Variants in CEP128 observed in about 807,000 individuals in gnomAD.
The protein encoded by CEP128 is centrosomal protein 128, also known as centrosomal protein 128kDa.
In CEP128, 132 loss-of-function variants were observed where a neutral mutation model predicts 156.7. That is an observed-to-expected ratio of 0.84 (90% CI 0.73 to 0.97). The LOEUF is 0.97. Ranked by LOEUF, CEP128 falls within the 50% of genes least tolerant of loss-of-function variation. The pLI is 0.00. For missense variants in CEP128, 1,252 were observed against 1,281.9 expected, an observed-to-expected ratio of 0.98 and a Z score of 0.36; for synonymous variants, 469 against 448.9, an observed-to-expected ratio of 1.04 and a Z score of -0.57.
intron 19 of CEP128, among the ~76,000 whole-genome samples, chr14:80,636,733 G>A (rs1894196493): frequency 6.6e-6 from 1 of 151,966 alleles, no homozygotes; most frequent in Admixed American, 6.5e-5. Flanking sequence ...TCTCCTAAAT[G>A]GCCTCCCCAT....
chr14:80,928,388 T>C (rs1885266633), intron 2 of CEP128, among the ~76,000 whole-genome samples: 1 of 152,022 alleles, frequency 6.6e-6, no homozygotes, highest in Admixed American at 6.6e-5. Context: ...ATAAAGAAAT[T>C]AATGAAACAA....
chr14:80,848,672 A>G (rs1057259466), intron 9 of CEP128, among the ~76,000 whole-genome samples: 4 of 152,020 alleles, frequency 2.6e-5, no homozygotes, highest in Admixed American at 6.6e-5. Context: ...AACAAAAAAA[A>G]AAAGAAAAAG....
At chr14:80,745,172 C>T (rs891421028) in intron 18 of CEP128, among the ~76,000 whole-genome samples, 1 of 152,060 alleles carries the variant, frequency 6.6e-6, no homozygotes, top group Non-Finnish European at 1.5e-5. Context: ...CTCAGGAGAT[C>T]TGGTCGTTTA....
At chr14:80,880,290 T>C (rs1486763567) in intron 8 of CEP128, among the ~76,000 whole-genome samples, 1 of 151,972 alleles carries the variant, frequency 6.6e-6, no homozygotes, top group Non-Finnish European at 1.5e-5. Flanking sequence ...ACTTTCTTGA[T>C]AAAAACTGTC....
At chr14:80,645,099 T>G (rs957684030) in intron 19 of CEP128, among the ~76,000 whole-genome samples, 1 of 152,114 alleles carries the variant, frequency 6.6e-6, no homozygotes, top group Non-Finnish European at 1.5e-5. Flanking sequence ...AGTTGAAAGG[T>G]CAAGTAGGTT....
At chr14:80,690,244 T>TAA (rs552661665) in intron 19 of CEP128, among the ~76,000 whole-genome samples, 2,766 of 116,370 alleles carry the variant, frequency 0.024, 110 homozygotes, top group African/African-American at 0.085. Flanking sequence ...CTGTCTCTAT[T>TAA]AAAAAAAAAA....
intron 19 of CEP128, among the ~76,000 whole-genome samples, chr14:80,722,074 G>A (rs1897838478): frequency 6.6e-6 from 1 of 152,160 alleles, no homozygotes; most frequent in Non-Finnish European, 1.5e-5. Flanking sequence ...CTGTGAGAAA[G>A]GCATTTAGTA....
chr14:80,504,826 T>A (rs1237291705), intron 24 of CEP128, 86 bp downstream of exon 24: 1 of 563,578 alleles, frequency 1.8e-6, no homozygotes, highest in African/African-American at 1.9e-5. Context: ...AATATTACTA[T>A]CATATACTGG....
intron 18 of CEP128, among the ~76,000 whole-genome samples, chr14:80,749,063 C>A (rs1899252980): frequency 6.6e-6 from 1 of 152,144 alleles, no homozygotes; most frequent in South Asian, 2.1e-4. Flanking sequence ...GTCTGCCCCA[C>A]CACAGTCCCA....
intron 13 of CEP128, among the ~76,000 whole-genome samples, chr14:80,794,414 G>T (rs775605373): frequency 1.4e-4 from 21 of 152,184 alleles, no homozygotes; most frequent in Non-Finnish European, 2.2e-4. Flanking sequence ...CAGCCTGGAA[G>T]ATGTCTCATC....
rs547390073 is a variant in CEP128 at position 80,788,215 on chromosome 14, C to G, written c.1561-2670G>C. On this transcript the variant is annotated intron_variant, in intron 14 of 24. Coordinates refer to ENST00000555265, the MANE Select transcript of CEP128 (RefSeq NM_152446.5). ...CTCAATACCCTGGACATACCCAGGG[C>G]CCTCAAATGAATAGCCTTTATCTTG... Among the ~76,000 whole-genome samples the G allele has an allele frequency of 5.3e-5, 8 of 151,952 alleles. No individual in the cohort carries two copies. The East Asian group carries it at 1.5e-3, about 29-fold the overall frequency.
At chr14:80,502,240 T>G (rs997405122) in intron 24 of CEP128, among the ~76,000 whole-genome samples, 27 of 152,120 alleles carry the variant, frequency 1.8e-4, no homozygotes, top group Non-Finnish European at 3.8e-4. Flanking sequence ...GCCTCAATTT[T>G]GGGGCTTGCT....
At chr14:80,902,504 CTT>C (rs1244902083) in intron 6 of CEP128, among the ~76,000 whole-genome samples, 2 of 152,114 alleles carry the variant, frequency 1.3e-5, no homozygotes, top group African/African-American at 4.8e-5. Flanking sequence ...TTAAGATACA[CTT>C]TGAGTACCTA....
intron 19 of CEP128, among the ~76,000 whole-genome samples, chr14:80,680,629 G>A (rs1896282825): frequency 6.6e-6 from 1 of 152,080 alleles, no homozygotes; most frequent in Non-Finnish European, 1.5e-5. Context: ...TGGTATAGTA[G>A]GACCCTCTGC....
rs371737912 is a variant in CEP128 at position 80,607,156 on chromosome 14, G to A, written c.2807-26733C>T. ...GAGAAAGCCTTTGATATTGTTAAAT[G>A]TGTTATGTACATATTTACGTAAATC... is the stretch of plus-strand genomic sequence containing the variant. On this transcript the variant is annotated intron_variant, in intron 19 of 24. Coordinates refer to ENST00000555265, the MANE Select transcript of CEP128 (RefSeq NM_152446.5). Among the ~76,000 whole-genome samples, 36 of 151,716 alleles carry A rather than the reference G, an allele frequency of 2.4e-4. 4 individuals are homozygous for A. Among genetic ancestry groups the A allele is most frequent in the Admixed American group, 8.5e-4 (13 of 15,226 alleles).
chr14:80,625,519 G>C (rs1427862200), intron 19 of CEP128, among the ~76,000 whole-genome samples: 1 of 151,986 alleles, frequency 6.6e-6, no homozygotes, highest in Admixed American at 6.6e-5. Flanking sequence ...AATAGGTGTT[G>C]CACTGCATCT....
chr14:80,707,381 G>T (rs1897264786), intron 19 of CEP128, among the ~76,000 whole-genome samples: 1 of 152,128 alleles, frequency 6.6e-6, no homozygotes, highest in Non-Finnish European at 1.5e-5. Context: ...TGCCTGAGGA[G>T]GGTGAGCCTA....
chr14:80,663,813 T>C (rs1895499544), intron 19 of CEP128, among the ~76,000 whole-genome samples: 1 of 152,218 alleles, frequency 6.6e-6, no homozygotes, highest in African/African-American at 2.4e-5. Context: ...CACATAGGAT[T>C]GGCCTCAAGT....
In CEP128 at chr14:80,750,398, CTT is replaced by C. The variant is rs76032457; in HGVS notation, c.2613+6492_2613+6493del. Among the ~76,000 whole-genome samples the C allele has an allele frequency of 2.7e-5, 4 of 150,082 alleles. No individual in the cohort carries two copies. In the South Asian group the frequency reaches 6.3e-4, roughly 24 times the overall value. On this transcript the variant is annotated intron_variant, in intron 18 of 24. Transcript: ENST00000555265. ...TCCGCCATATGAGAATGAAACTCTA[CTT>C]TTTTTTTTATCAGATCTTCTGATGC...
Sources: allele counts gnomAD v4.1 joint callset (sites outside exome capture counted in the v4.1 genomes callset), GRCh38; gene constraint gnomAD v4.1.1; transcripts MANE v1.5; gene names NCBI Gene and HGNC (gene_info 2026-07-23, HGNC 2026-07-21).